Variants in NIPBL observed in about 807,000 individuals in gnomAD.
The protein encoded by NIPBL is nipped-B-like protein.
Under a neutral mutation model 321.8 loss-of-function variants are expected in NIPBL, and 19 were observed. That is an observed-to-expected ratio of 0.06 (90% CI 0.04 to 0.09). NIPBL has a LOEUF of 0.09. Among genes scored for constraint, NIPBL ranks in the 10% least tolerant of loss-of-function variants. The probability of loss-of-function intolerance (pLI) is 1.00; values close to 1 mark genes in which losing one functional copy is unlikely to be tolerated. For missense variants in NIPBL, 2,210 were observed against 3,327.0 expected (o/e 0.66, Z 8.26); for synonymous variants, 1,106 against 1,114.1 (o/e 0.99, Z 0.14).
intron 34 of NIPBL, among the ~76,000 whole-genome samples, chr5:37,040,353 C>T (rs1267871952): frequency 6.6e-6 from 1 of 152,040 alleles, no homozygotes; most frequent in Non-Finnish European, 1.5e-5. Flanking sequence ...TATCCTATCT[C>T]CATCTTTATT....
chr5:36,931,103 T>G (rs1289487919), intron 1 of NIPBL, among the ~76,000 whole-genome samples: 1 of 152,184 alleles, frequency 6.6e-6, no homozygotes, highest in East Asian at 1.9e-4. Flanking sequence ...CTTATATATT[T>G]CATAAAAATC....
chr5:37,008,843 A>C, intron 20 of NIPBL, 120 bp downstream of exon 20: 1 of 688,362 alleles, frequency 1.5e-6, no homozygotes, highest in Non-Finnish European at 2.6e-6. Flanking sequence ...AGGCAGTTAC[A>C]TCAGAACAGC....
rs903480523 is a variant in NIPBL at position 37,063,731 on chromosome 5, T to C, written c.7861-59T>C. The C allele has an allele frequency of 3.9e-5, 59 of 1,517,756 alleles. 2 individuals carry two copies. Among genetic ancestry groups the C allele is most frequent in the Middle Eastern group, 3.6e-4 (2 of 5,558 alleles). 94.0% of individuals were successfully genotyped at this position (1,517,756 alleles called of 1,614,324 possible). A position where few individuals can be genotyped will look rare whatever the true frequency, so the allele number is the denominator to read the frequency against. On this transcript the variant is annotated intron_variant, in intron 45 of 46. Transcript: ENST00000282516. ...ACTGCCATAGAAAACATTTAGGAAT[T>C]TGACAATCTTGCTTGAAATATTTAC...
intron 19 of NIPBL, 49 bp from the exon 20 acceptor site, chr5:37,008,574 T>C (rs778384302): frequency 7.2e-6 from 7 of 972,824 alleles, no homozygotes; most frequent in Middle Eastern, 2.5e-4. Flanking sequence ...TATTTTTTGG[T>C]TTGTTTTCTA....
intron 29 of NIPBL, among the ~76,000 whole-genome samples, chr5:37,023,991 A>G (rs528258429): frequency 1.3e-5 from 2 of 151,654 alleles, no homozygotes; most frequent in East Asian, 3.9e-4. Context: ...ATGGTGAAAC[A>G]CTGTTTCTAC....
chr5:37,000,700 C>G (rs559671228), intron 12 of NIPBL, 117 bp from the exon 13 acceptor site: 101 of 1,260,152 alleles, frequency 8.0e-5, no homozygotes, highest in Non-Finnish European at 1.1e-4. Context: ...TACTTAGTTT[C>G]TATGTGCAGT....
At chr5:37,044,039 T>G (rs184526191) in intron 34 of NIPBL, among the ~76,000 whole-genome samples, 2 of 152,212 alleles carry the variant, frequency 1.3e-5, no homozygotes, top group Non-Finnish European at 2.9e-5. Context: ...GTACCAGTCT[T>G]TGTATAATGC....
rs1169245692 is a variant in NIPBL, at chr5:37,065,897, C to T, written c.*1005C>T. On this transcript the variant is annotated 3_prime_UTR_variant, in exon 47 of 47. Transcript: ENST00000282516. ...TCTTTAAACCTCGGGTAAAGGTAACCTGTTATTTGGAAAACCAGCATTTCT... is the reference window on the plus strand; with the variant it reads ...TCTTTAAACCTCGGGTAAAGGTAACTTGTTATTTGGAAAACCAGCATTTCT... The T allele has an allele frequency of 6.6e-6, 1 of 152,468 alleles. No individual in the cohort carries two copies. The highest frequency in any genetic ancestry group is 6.5e-5 in the Admixed American group (1 of 15,270). 9.4% of individuals were successfully genotyped at this position (152,468 alleles called of 1,614,324 possible). A position where few individuals can be genotyped will look rare whatever the true frequency, so the allele number is the denominator to read the frequency against.
chr5:36,981,897 C>T (rs294696), intron 9 of NIPBL, among the ~76,000 whole-genome samples: 6,362 of 151,788 alleles, frequency 0.042, 457 homozygotes, highest in African/African-American at 0.15. Flanking sequence ...GGACAATTAG[C>T]CACTCAGCCT....
intron 1 of NIPBL, among the ~76,000 whole-genome samples, chr5:36,913,472 T>G (rs1323599111): frequency 6.6e-6 from 1 of 151,808 alleles, no homozygotes; most frequent in African/African-American, 2.4e-5. Flanking sequence ...CTACTGCATC[T>G]TCTACTTCCT....
chr5:36,947,853 C>G (rs1739858046), intron 1 of NIPBL, among the ~76,000 whole-genome samples: 1 of 151,628 alleles, frequency 6.6e-6, no homozygotes, highest in Non-Finnish European at 1.5e-5. Context: ...TAATAATGTT[C>G]TTTTTTTTCA....
chr5:36,942,081 A>G (rs1439980929), intron 1 of NIPBL, among the ~76,000 whole-genome samples: 2 of 152,090 alleles, frequency 1.3e-5, no homozygotes, highest in Non-Finnish European at 2.9e-5. Flanking sequence ...AATAATTTAA[A>G]AACTTAGATC....
At chr5:36,977,493 G>C (rs1743612702) in intron 9 of NIPBL, among the ~76,000 whole-genome samples, 1 of 151,574 alleles carries the variant, frequency 6.6e-6, no homozygotes, top group Admixed American at 6.6e-5. Flanking sequence ...TTTAGTAATT[G>C]TTGTACTACA....
intron 3 of NIPBL, among the ~76,000 whole-genome samples, chr5:36,957,204 A>G (rs980134236): frequency 2.6e-5 from 4 of 152,134 alleles, no homozygotes; most frequent in African/African-American, 9.7e-5. Flanking sequence ...TTAATTTGCT[A>G]CTTATATTGA....
intron 1 of NIPBL, among the ~76,000 whole-genome samples, chr5:36,897,242 T>A (rs907813832): frequency 6.6e-6 from 1 of 152,140 alleles, no homozygotes; most frequent in African/African-American, 2.4e-5. Context: ...GACCTCGTGA[T>A]CCACCTGCTT....
intron 10 of NIPBL, among the ~76,000 whole-genome samples, chr5:36,989,558 T>C (rs2149652265): frequency 6.6e-6 from 1 of 152,288 alleles, no homozygotes; most frequent in Middle Eastern, 3.4e-3. Flanking sequence ...AATAAAGTTA[T>C]GAGATCCTTT....
intron 45 of NIPBL, 126 bp downstream of exon 45, chr5:37,061,144 A>C: frequency 1.4e-6 from 1 of 697,540 alleles, no homozygotes; most frequent in South Asian, 1.8e-5. Flanking sequence ...TATCAAGATA[A>C]TTTTTCTCTA....
chr5:36,897,086 T>G (rs540507963), intron 1 of NIPBL, among the ~76,000 whole-genome samples: 61 of 151,876 alleles, frequency 4.0e-4, no homozygotes, highest in Non-Finnish European at 7.5e-4. Flanking sequence ...CACTGCAACC[T>G]CCACTTCCCA....
intron 1 of NIPBL, among the ~76,000 whole-genome samples, chr5:36,907,819 A>G (rs771207672): frequency 4.6e-5 from 7 of 152,232 alleles, no homozygotes; most frequent in Non-Finnish European, 5.9e-5. Context: ...TAAATACTTT[A>G]CAATTTAAAT....
Sources: gnomAD v4.1 joint callset for allele counts (sites outside exome capture counted in the v4.1 genomes callset) on GRCh38, gnomAD v4.1.1 for gene constraint, MANE v1.5 for transcripts, NCBI Gene and HGNC (gene_info 2026-07-23, HGNC 2026-07-21) for gene names.